The following LIMA1 variants were observed in gnomAD, a reference collection of about 807,000 sequenced individuals.
The protein encoded by LIMA1 is LIM domain and actin binding 1, also known as LIM domain and actin-binding protein 1.
LIMA1 carries 52 observed loss-of-function variants against 62.6 expected under a neutral mutation model. The ratio of observed to expected loss-of-function variants is 0.83; its 90% CI spans 0.67 to 1.05. The LOEUF (loss-of-function observed/expected upper bound fraction) is 1.05. Among genes scored for constraint, LIMA1 ranks in the 50% least tolerant of loss-of-function variants. LIMA1 has a pLI of 0.00. For missense variants in LIMA1, 780 were observed against 902.2 expected (o/e 0.86, Z 1.74); for synonymous variants, 302 against 317.8 (o/e 0.95, Z 0.53).
intron 9 of LIMA1, among the ~76,000 whole-genome samples, chr12:50,190,682 ATT>A (rs762182699): frequency 2.1e-5 from 2 of 93,036 alleles, no homozygotes; most frequent in African/African-American, 8.9e-5. Context: ...ACCCGGCCTC[ATT>A]TTTTTTTTTT....
intron 2 of LIMA1, among the ~76,000 whole-genome samples, chr12:50,246,632 G>T (rs907765632): frequency 1.3e-5 from 2 of 152,106 alleles, no homozygotes; most frequent in Admixed American, 6.6e-5. Flanking sequence ...GCGTTCCCTG[G>T]TTTTCTTACT....
intron 8 of LIMA1, 33 bp from the exon 9 acceptor site, chr12:50,192,594 G>T: frequency 1.3e-6 from 2 of 1,482,518 alleles, no homozygotes; most frequent in Non-Finnish European, 1.9e-6. Context: ...ACATTTTACA[G>T]TATCTCATGG....
chr12:50,211,383 C>T (rs1367586601), intron 4 of LIMA1, among the ~76,000 whole-genome samples: 1 of 149,958 alleles, frequency 6.7e-6, no homozygotes, highest in East Asian at 2.0e-4. Flanking sequence ...GTAGCTCACG[C>T]CTGTAATCCA....
intron 1 of LIMA1, among the ~76,000 whole-genome samples, chr12:50,266,631 G>C (rs2138685411): frequency 6.6e-6 from 1 of 152,226 alleles, no homozygotes; most frequent in African/African-American, 2.4e-5. Flanking sequence ...TGCATCTACG[G>C]CATAAATTCC....
rs1425069667 is a variant in LIMA1, at chr12:50,178,182, A to C, written c.1275-113T>G. 5 of 789,388 alleles carry C rather than the reference A, an allele frequency of 6.3e-6. No individual in the cohort carries two copies. In the African/African-American group the frequency reaches 9.0e-5, roughly 14 times the overall value. 48.9% of individuals were successfully genotyped at this position (789,388 alleles called of 1,614,324 possible). On this transcript the variant is annotated intron_variant, in intron 10 of 10. Coordinates refer to ENST00000341247, the MANE Select transcript of LIMA1 (RefSeq NM_016357.5). ...TTTCAGAAGATGCCAAGTAAGAAAA[A>C]GATCTTTAAAAGCCCTTCAGTGACC...
chr12:50,245,491 A>G (rs1941835632), intron 2 of LIMA1, among the ~76,000 whole-genome samples: 1 of 151,630 alleles, frequency 6.6e-6, no homozygotes, highest in Admixed American at 6.6e-5. Context: ...ACTGATGTGG[A>G]CCCAGTGATC....
At chr12:50,239,356 T>C (rs530748384) in intron 2 of LIMA1, among the ~76,000 whole-genome samples, 80 of 152,328 alleles carry the variant, frequency 5.3e-4, no homozygotes, top group African/African-American at 1.9e-3. Context: ...AACATCACAT[T>C]GGCTGGATGT....
intron 4 of LIMA1, among the ~76,000 whole-genome samples, chr12:50,220,015 A>G (rs1194816517): frequency 6.6e-6 from 1 of 150,924 alleles, no homozygotes; most frequent in Admixed American, 6.6e-5. Flanking sequence ...TTAGCAATCA[A>G]TCTGGTGGCC....
At chr12:50,210,915 T>G (rs747180848) in intron 4 of LIMA1, among the ~76,000 whole-genome samples, 1 of 152,196 alleles carries the variant, frequency 6.6e-6, no homozygotes, top group Non-Finnish European at 1.5e-5. Context: ...AGACTGTGGC[T>G]CTGAGGAGAA....
intron 4 of LIMA1, among the ~76,000 whole-genome samples, chr12:50,218,915 A>C (rs867689173): frequency 2.8e-5 from 4 of 145,278 alleles, no homozygotes; most frequent in African/African-American, 5.6e-5. Context: ...AAAAACAAAA[A>C]CAAAAAAAAA....
At chr12:50,249,879 G>A (rs1941904550) in intron 1 of LIMA1, 1 of 152,176 alleles carries the variant, frequency 6.6e-6, no homozygotes, top group Non-Finnish European at 1.5e-5. Context: ...GGCAACCGAA[G>A]AGCATAACTG....
At chr12:50,201,024 C>G in intron 6 of LIMA1, 140 bp from the exon 7 acceptor site, 1 of 1,436,076 alleles carries the variant, frequency 7.0e-7, no homozygotes, top group Non-Finnish European at 9.1e-7. Context: ...CTAACTCTCA[C>G]AAGCAAAACC....
chr12:50,264,172 T>C (rs1199976611), intron 1 of LIMA1, among the ~76,000 whole-genome samples: 1 of 151,876 alleles, frequency 6.6e-6, no homozygotes, highest in Non-Finnish European at 1.5e-5. Context: ...GGAAAATCTA[T>C]AGAGACAGAA....
intron 9 of LIMA1, chr12:50,188,510 G>C (rs1166627717): frequency 1.3e-5 from 2 of 152,216 alleles, no homozygotes; most frequent in Non-Finnish European, 2.9e-5. Flanking sequence ...CAAACAGCCA[G>C]GCCAGTTTAC....
intron 1 of LIMA1, among the ~76,000 whole-genome samples, chr12:50,253,650 T>G (rs1941957404): frequency 6.6e-6 from 1 of 152,164 alleles, no homozygotes; most frequent in African/African-American, 2.4e-5. Context: ...CATTCCTGCT[T>G]TCAGGGAAAC....
intron 7 of LIMA1, among the ~76,000 whole-genome samples, chr12:50,197,212 A>G (rs1940948735): frequency 2.0e-5 from 3 of 151,752 alleles, no homozygotes; most frequent in Non-Finnish European, 4.4e-5. Context: ...CTGGGATTAC[A>G]GGTGCCCATT....
chr12:50,223,755 C>T (rs530398772), intron 3 of LIMA1, among the ~76,000 whole-genome samples: 6 of 151,624 alleles, frequency 4.0e-5, no homozygotes, highest in Non-Finnish European at 8.9e-5. Context: ...TTAAATGTCC[C>T]GGCTGGGCGC....
At position 50,222,430 on chromosome 12, in the gene LIMA1, T is replaced by C; in HGVS notation, c.221A>G (p.Lys74Arg). Residue 74 changes from lysine to arginine, a missense_variant, in exon 4 of 11, where the codon AAG becomes AGG. Lys to Arg is a conservative substitution (Grantham distance 26). Transcript: ENST00000341247. ...TCCCAGCCCTGGGTTCTCCCACTTC[T>C]TCTTTAACACAGTCAGGGTCCCCTT... is the stretch of plus-strand genomic sequence containing the variant. Reference protein sequence around the residue: ...FRKGTLTVLKKKWENPGLGAE... With the variant: ...FRKGTLTVLKRKWENPGLGAE... 6.2e-7 allele frequency: 1 copy of C among 1,614,174 alleles called. No individual in the cohort carries two copies. The highest frequency in any genetic ancestry group is 1.1e-5 in the South Asian group (1 of 91,082).
chr12:50,255,549 CA>C (rs1185514558), intron 1 of LIMA1, among the ~76,000 whole-genome samples: 87 of 39,656 alleles, frequency 2.2e-3, no homozygotes, highest in Middle Eastern at 0.01. Context: ...CAGACCCTGT[CA>C]AAAAAAAAAA....
Sources: gnomAD v4.1 joint callset for allele counts (sites outside exome capture counted in the v4.1 genomes callset) on GRCh38, gnomAD v4.1.1 for gene constraint, MANE v1.5 for transcripts, NCBI Gene and HGNC (gene_info 2026-07-23, HGNC 2026-07-21) for gene names.